The following TTC28 variants were observed in gnomAD, a reference collection of about 807,000 sequenced individuals.
TTC28 encodes the protein tetratricopeptide repeat domain 28.
In TTC28, 61 loss-of-function variants were observed where a neutral mutation model predicts 198.0. The observed-to-expected ratio is 0.31, with a 90% CI of 0.25 to 0.38. TTC28 has a LOEUF of 0.38. TTC28 is among the 10% of genes least tolerant of loss of function. The pLI is 1.00. For synonymous variants in TTC28, 1,171 were observed against 1,297.8 expected (o/e 0.90, Z 2.10); for missense variants, 2,678 against 3,164.0 (o/e 0.85, Z 3.69).
At chr22:28,475,993 A>G (rs1465378812) in intron 2 of TTC28, among the ~76,000 whole-genome samples, 1 of 152,190 alleles carries the variant, frequency 6.6e-6, no homozygotes, top group East Asian at 1.9e-4. Flanking sequence ...CCATTGTTCT[A>G]CACAAAAGCC....
At chr22:28,612,338 G>C (rs1282456122) in intron 2 of TTC28, among the ~76,000 whole-genome samples, 1 of 152,118 alleles carries the variant, frequency 6.6e-6, no homozygotes, top group Non-Finnish European at 1.5e-5. Context: ...AGTCCTTAGA[G>C]ACCTACAAAG....
chr22:28,098,857 C>A (rs914817139), intron 10 of TTC28, 58 bp downstream of exon 10: 1 of 1,523,162 alleles, frequency 6.6e-7, no homozygotes, highest in East Asian at 2.5e-5. Flanking sequence ...GACACATGGA[C>A]GCGCACCCGT....
chr22:28,516,784 A>G (rs1372214079), intron 2 of TTC28, among the ~76,000 whole-genome samples: 6 of 152,236 alleles, frequency 3.9e-5, no homozygotes, highest in Admixed American at 3.3e-4. Flanking sequence ...AATACTCATC[A>G]TCACAAAAAA....
At chr22:28,125,785 A>C (rs1485796271) in intron 6 of TTC28, among the ~76,000 whole-genome samples, 1 of 152,254 alleles carries the variant, frequency 6.6e-6, no homozygotes, top group East Asian at 1.9e-4. Flanking sequence ...GCATAGAAAT[A>C]TGTTCATAAG....
intron 2 of TTC28, among the ~76,000 whole-genome samples, chr22:28,366,710 A>G (rs1246104854): frequency 2.0e-5 from 3 of 152,134 alleles, no homozygotes; most frequent in East Asian, 1.9e-4. Flanking sequence ...GTTCACCTAT[A>G]AAGATACACA....
chr22:28,061,304 C>T (rs1601575571), intron 12 of TTC28, among the ~76,000 whole-genome samples: 1 of 152,174 alleles, frequency 6.6e-6, no homozygotes, highest in East Asian at 1.9e-4. Context: ...TGCCTATGTC[C>T]TGAATGGTAT....
intron 2 of TTC28, among the ~76,000 whole-genome samples, chr22:28,534,314 G>A (rs1449219662): frequency 6.6e-6 from 1 of 152,146 alleles, no homozygotes; most frequent in Non-Finnish European, 1.5e-5. Context: ...ATGAAAAAAT[G>A]CTTATCATCA....
intron 5 of TTC28, among the ~76,000 whole-genome samples, chr22:28,191,643 T>C (rs1263239192): frequency 2.0e-5 from 3 of 152,196 alleles, no homozygotes; most frequent in Non-Finnish European, 2.9e-5. Flanking sequence ...GGAGATTATA[T>C]TCCACACCTG....
At chr22:28,083,190 G>A (rs1941429804) in intron 12 of TTC28, among the ~76,000 whole-genome samples, 1 of 151,948 alleles carries the variant, frequency 6.6e-6, no homozygotes, top group African/African-American at 2.4e-5. Flanking sequence ...GACCAGAGGT[G>A]CCTGGAAGAT....
At chr22:28,067,591 G>A (rs913123034) in intron 12 of TTC28, among the ~76,000 whole-genome samples, 6 of 152,044 alleles carry the variant, frequency 3.9e-5, no homozygotes, top group Admixed American at 6.6e-5. Flanking sequence ...ACAAACCTAC[G>A]AGCTCCTCAA....
chr22:28,331,014 G>C (rs144673730), intron 2 of TTC28, among the ~76,000 whole-genome samples: 1 of 152,210 alleles, frequency 6.6e-6, no homozygotes, highest in African/African-American at 2.4e-5. Flanking sequence ...CAATTCTAAT[G>C]GCCTAGTTCA....
chr22:28,223,069 A>G (rs1398456160), intron 5 of TTC28, among the ~76,000 whole-genome samples: 1 of 152,156 alleles, frequency 6.6e-6, no homozygotes, highest in Non-Finnish European at 1.5e-5. Flanking sequence ...ATATCCAGGA[A>G]CTGAAAGGCC....
At chr22:28,593,499 AG>A (rs1404859057) in intron 2 of TTC28, among the ~76,000 whole-genome samples, 1 of 151,982 alleles carries the variant, frequency 6.6e-6, no homozygotes, top group Non-Finnish European at 1.5e-5. Flanking sequence ...GTAGGTAGGT[AG>A]GTAGGTAGGT....
At chr22:28,032,171 T>C (rs1384818176) in intron 12 of TTC28, among the ~76,000 whole-genome samples, 1 of 89,314 alleles carries the variant, frequency 1.1e-5, no homozygotes, top group Non-Finnish European at 2.3e-5. Context: ...AGTGTGTGTA[T>C]ATATATATAT....
Position 28,418,650 on chromosome 22 carries a change from G to C in TTC28, c.382-112007C>G, listed in dbSNP as rs2047201688. Among the ~76,000 whole-genome samples, 5 of 152,042 alleles carry C rather than the reference G, an allele frequency of 3.3e-5. 1 individual carries two copies. The highest frequency in any genetic ancestry group is 3.3e-4 in the Admixed American group (5 of 15,270). On this transcript the variant is annotated intron_variant, in intron 2 of 22. Transcript: ENST00000397906. ...ACACAGAGAGAAAGAGTCTCTTAAA[G>C]GAATTTATTGTGTAGTACTCTCCAA...
At chr22:28,028,796 C>T (rs1170666190) in intron 13 of TTC28, 2 of 343,516 alleles carry the variant, frequency 5.8e-6, no homozygotes, top group Non-Finnish European at 1.2e-5. Context: ...GCCTTCCACA[C>T]ATTAAGTCGG....
chr22:28,303,864 A>AAG (rs1254370239), intron 3 of TTC28: 1 of 152,004 alleles, frequency 6.6e-6, no homozygotes, highest in Non-Finnish European at 1.5e-5. Flanking sequence ...TACAAAAAAA[A>AAG]AAAAAAAAAT....
At chr22:28,593,210 T>C (rs1042031398) in intron 2 of TTC28, among the ~76,000 whole-genome samples, 1 of 152,136 alleles carries the variant, frequency 6.6e-6, no homozygotes, top group Non-Finnish European at 1.5e-5. Context: ...AAGTCTTCAG[T>C]GTTCGTGTTC....
At position 28,014,307 on chromosome 22, in the gene TTC28, A is replaced by G. The variant is rs1196838341; in HGVS notation, c.4159T>C (p.Ser1387Pro). 6.4e-7 allele frequency: 1 copy of G among 1,551,448 alleles called. No homozygotes were observed. The highest frequency in any genetic ancestry group is 8.7e-7 in the Non-Finnish European group (1 of 1,146,972). The change falls in exon 14 of 23, where the codon TCG becomes CCG. Residue 1387 changes from serine (S) to proline (P), a missense_variant. Coordinates refer to ENST00000397906, the MANE Select transcript of TTC28 (RefSeq NM_001145418.2). ...GCACGGAGCGGGGGCTTGGCAAACG[A>G]GCTCTGCCTCCTGGGAAGAGAGGAG... ...GTSSLPRRQS[S>P]FAKPPLRALY...
Sources: gnomAD v4.1 joint callset for allele counts (sites outside exome capture counted in the v4.1 genomes callset) on GRCh38, gnomAD v4.1.1 for gene constraint, MANE v1.5 for transcripts, NCBI Gene and HGNC (gene_info 2026-07-23, HGNC 2026-07-21) for gene names.